The following VPS41 variants were observed in gnomAD, a reference collection of about 807,000 sequenced individuals.
VPS41 encodes the protein VPS41 subunit of HOPS complex, also known as vacuolar protein sorting-associated protein 41 homolog.
VPS41 carries 85 observed loss-of-function variants against 130.9 expected under a neutral mutation model. The observed-to-expected ratio is 0.65, with a 90% confidence interval of 0.55 to 0.78. VPS41 has a LOEUF of 0.78. VPS41 is among the 30% of genes least tolerant of loss of function. The pLI is 0.00. For missense variants in VPS41, 874 were observed against 1,018.7 expected, an observed-to-expected ratio of 0.86 and a Z score of 1.93; for synonymous variants, 335 against 332.9, an observed-to-expected ratio of 1.01 and a Z score of -0.07.
At chr7:38,775,190 T>A (rs1034505815) in intron 11 of VPS41, 1 of 152,168 alleles carries the variant, frequency 6.6e-6, no homozygotes, top group African/African-American at 2.4e-5. Flanking sequence ...GGAGCTTACC[T>A]CTTTGTTCCT....
At chr7:38,892,305 C>T (rs1786883136) in intron 2 of VPS41, among the ~76,000 whole-genome samples, 1 of 152,040 alleles carries the variant, frequency 6.6e-6, no homozygotes, top group South Asian at 2.1e-4. Context: ...ATGCATTTAC[C>T]AACTGGGTAG....
rs145449790 is a variant in VPS41, at chr7:38,788,906, C to A, written c.784+895G>T. 3.9e-5 allele frequency among the ~76,000 whole-genome samples: 6 copies of A among 152,284 alleles called. No individual in the cohort carries two copies. The East Asian group carries it at 1.2e-3, about 29-fold the overall frequency. ...GTATGTCTTTCTATTTACAGAAATA[C>A]AATCATGTGCAAATAATTTATTTCA... On this transcript the variant is annotated intron_variant, in intron 10 of 28. Coordinates refer to ENST00000310301, the MANE Select transcript of VPS41 (RefSeq NM_014396.4).
Position 38,726,257 on chromosome 7 carries a change from T to C in VPS41, c.2554A>G (p.Met852Val), listed in dbSNP as rs377433367. The C allele has an allele frequency of 3.3e-5, 53 of 1,608,438 alleles. 1 individual carries two copies. The East Asian group carries it at 5.3e-4, about 16-fold the overall frequency. The change falls in exon 29 of 29, where the codon ATG (methionine) becomes GTG (valine). Residue 852 changes from methionine (M) to valine (V), a missense_variant. By Grantham distance (21) the Met-to-Val change is conservative. Coordinates refer to ENST00000310301, the MANE Select transcript of VPS41 (RefSeq NM_014396.4). The part of the protein sequence containing the change: ...NRGPGSAILE[M>V]KK ...CAAGGAGAAATGAGCTATTTTTTCATCTCCAAAATTGCACTTCCTGGTCCA... is the reference window on the plus strand; with the variant it reads ...CAAGGAGAAATGAGCTATTTTTTCACCTCCAAAATTGCACTTCCTGGTCCA...
chr7:38,824,629 G>A (rs1021759775), intron 5 of VPS41, among the ~76,000 whole-genome samples: 25 of 152,130 alleles, frequency 1.6e-4, no homozygotes, highest in African/African-American at 6.0e-4. Context: ...TACCTAAAGT[G>A]TAAGAAGAGT....
At chr7:38,756,756 C>A in intron 19 of VPS41, 82 bp downstream of exon 19, 1 of 1,060,764 alleles carries the variant, frequency 9.4e-7, no homozygotes, top group Non-Finnish European at 1.3e-6. Context: ...ATTCACCAAT[C>A]CAGCATTTGG....
chr7:38,789,978 A>C, intron 9 of VPS41, 111 bp from the exon 10 acceptor site: 1 of 989,942 alleles, frequency 1.0e-6, no homozygotes, highest in African/African-American at 1.6e-5. Context: ...CTGCAGATGG[A>C]GTACAATCTA....
chr7:38,823,936 G>A (rs1188211300), intron 5 of VPS41, among the ~76,000 whole-genome samples: 1 of 152,064 alleles, frequency 6.6e-6, no homozygotes, highest in African/African-American at 2.4e-5. Flanking sequence ...TAAAATAATG[G>A]CTAAAAAGCA....
chr7:38,899,090 A>C lies in VPS41; in HGVS notation c.22-961T>G, dbSNP rs76237705. On this transcript the variant is annotated intron_variant, in intron 1 of 28. Transcript: ENST00000310301. ...GGATAAATGTAAATCTAGTGTTTAA[A>C]ATCATTTTAATTTCATTCATCAAAA... Among the ~76,000 whole-genome samples, 935 of 152,342 alleles carry C rather than the reference A, an allele frequency of 6.1e-3. 8 individuals are homozygous for C. The highest frequency in any genetic ancestry group is 0.024 in the Middle Eastern group (7 of 294).
chr7:38,847,475 C>G (rs762240203), intron 4 of VPS41, among the ~76,000 whole-genome samples: 13 of 152,086 alleles, frequency 8.5e-5, no homozygotes, highest in Non-Finnish European at 1.5e-4. Flanking sequence ...GGGTTGTCAT[C>G]GCTGAGACTA....
intron 7 of VPS41, among the ~76,000 whole-genome samples, chr7:38,802,159 G>A (rs1297892822): frequency 1.3e-5 from 2 of 152,146 alleles, no homozygotes; most frequent in African/African-American, 4.8e-5. Context: ...CCTCTATTAG[G>A]TTTAAGTAAT....
chr7:38,781,301 A>T (rs1017518663), intron 10 of VPS41, among the ~76,000 whole-genome samples: 1 of 152,216 alleles, frequency 6.6e-6, no homozygotes, highest in Admixed American at 6.5e-5. Flanking sequence ...ATCAATCCAC[A>T]CTAGCCATAC....
At chr7:38,734,950 C>T (rs1795734841) in intron 25 of VPS41, among the ~76,000 whole-genome samples, 1 of 152,088 alleles carries the variant, frequency 6.6e-6, no homozygotes, top group African/African-American at 2.4e-5. Context: ...GCTTTGCTTT[C>T]GGCTGGGATT....
intron 25 of VPS41, among the ~76,000 whole-genome samples, chr7:38,729,525 T>C (rs1370937771): frequency 6.6e-6 from 1 of 152,230 alleles, no homozygotes; most frequent in East Asian, 1.9e-4. Flanking sequence ...AGAGTCCTTT[T>C]CTTTATTCTT....
intron 7 of VPS41, among the ~76,000 whole-genome samples, chr7:38,808,570 T>C (rs1784881748): frequency 1.3e-5 from 2 of 152,236 alleles, no homozygotes; most frequent in Non-Finnish European, 2.9e-5. Context: ...GTGGTGTAAC[T>C]GTGAATTAAC....
intron 8 of VPS41, 64 bp from the exon 9 acceptor site, chr7:38,795,675 C>T (rs1425797449): frequency 3.4e-6 from 5 of 1,449,864 alleles, no homozygotes; most frequent in Non-Finnish European, 4.7e-6. Context: ...AACTTATTAA[C>T]AGCCCCTGCT....
At chr7:38,866,326 G>C (rs1786228493) in intron 3 of VPS41, among the ~76,000 whole-genome samples, 1 of 152,206 alleles carries the variant, frequency 6.6e-6, no homozygotes, top group African/African-American at 2.4e-5. Flanking sequence ...CTGGCAACCA[G>C]GTGGCAGATG....
At chr7:38,852,927 C>T (rs557018858) in intron 4 of VPS41, among the ~76,000 whole-genome samples, 25 of 152,326 alleles carry the variant, frequency 1.6e-4, no homozygotes, top group African/African-American at 6.0e-4. Flanking sequence ...CAAAGACACT[C>T]CCTTGAAAAC....
At chr7:38,758,251 G>T in intron 18 of VPS41, 103 bp downstream of exon 18, 1 of 1,062,704 alleles carries the variant, frequency 9.4e-7, no homozygotes. Flanking sequence ...GTAGGAAAAT[G>T]GTATAAAATA....
intron 15 of VPS41, 110 bp downstream of exon 15, chr7:38,767,427 G>T: frequency 1.8e-6 from 1 of 566,586 alleles, no homozygotes; most frequent in South Asian, 3.8e-5. Flanking sequence ...ACCCTCGTTA[G>T]AAAGATGTAC....
Sources: allele counts gnomAD v4.1 joint callset (sites outside exome capture counted in the v4.1 genomes callset), GRCh38; gene constraint gnomAD v4.1.1; transcripts MANE v1.5; gene names NCBI Gene and HGNC (gene_info 2026-07-23, HGNC 2026-07-21).